JARID2: variants seen among roughly 807,000 people sequenced by gnomAD.
JARID2 encodes jumonji and AT-rich interaction domain containing 2.
In JARID2, 21 loss-of-function variants were observed where a neutral mutation model predicts 125.6. The observed-to-expected ratio is 0.17, with a 90% CI of 0.12 to 0.24. The LOEUF (loss-of-function observed/expected upper bound fraction) is 0.24, where lower values mean the gene tolerates loss of function less well. JARID2 is among the 10% of genes least tolerant of loss of function. The probability of loss-of-function intolerance (pLI) is 1.00; values close to 1 mark genes in which losing one functional copy is unlikely to be tolerated. For synonymous variants in JARID2, 736 were observed against 661.6 expected, an observed-to-expected ratio of 1.11 and a Z score of -1.73; for missense variants, 1,303 against 1,639.6, an observed-to-expected ratio of 0.79 and a Z score of 3.55.
intron 1 of JARID2, among the ~76,000 whole-genome samples, chr6:15,276,371 A>G (rs2127364722): frequency 6.6e-6 from 1 of 152,308 alleles, no homozygotes; most frequent in South Asian, 2.1e-4. Flanking sequence ...GGGTCCCTGG[A>G]GAGATAAAGT....
At chr6:15,401,530 T>C (rs1561838290) in intron 2 of JARID2, among the ~76,000 whole-genome samples, 1 of 152,210 alleles carries the variant, frequency 6.6e-6, no homozygotes, top group Non-Finnish European at 1.5e-5. Flanking sequence ...ATAAACAGCA[T>C]GTTTGCTTTC....
At chr6:15,389,445 T>A (rs763421828) in intron 2 of JARID2, among the ~76,000 whole-genome samples, 1 of 152,234 alleles carries the variant, frequency 6.6e-6, no homozygotes, top group Non-Finnish European at 1.5e-5. Flanking sequence ...CCCATGCTTT[T>A]GAATGCTTAT....
intron 3 of JARID2, among the ~76,000 whole-genome samples, chr6:15,449,840 TA>T (rs992279941): frequency 1.5e-4 from 23 of 152,064 alleles, no homozygotes; most frequent in African/African-American, 5.6e-4. Flanking sequence ...TCGATGGTCA[TA>T]GGGGAGACAA....
At chr6:15,464,308 C>G (rs532858254) in intron 4 of JARID2, among the ~76,000 whole-genome samples, 5 of 152,322 alleles carry the variant, frequency 3.3e-5, no homozygotes, top group African/African-American at 1.2e-4. Flanking sequence ...CACGTGGTGA[C>G]AGAGCAATGG....
intron 2 of JARID2, among the ~76,000 whole-genome samples, chr6:15,377,502 G>T (rs1764400709): frequency 6.6e-6 from 1 of 152,104 alleles, no homozygotes; most frequent in East Asian, 1.9e-4. Context: ...TTGTGAGCCT[G>T]TCACCCAGGC....
chr6:15,519,152 G>C (rs974103797), intron 17 of JARID2, among the ~76,000 whole-genome samples: 33 of 152,162 alleles, frequency 2.2e-4, no homozygotes, highest in African/African-American at 7.7e-4. Flanking sequence ...GTGTCCTCCT[G>C]TAACCGCACA....
chr6:15,334,348 G>A (rs866612099), intron 1 of JARID2, among the ~76,000 whole-genome samples: 18 of 152,166 alleles, frequency 1.2e-4, no homozygotes, highest in African/African-American at 3.9e-4. Flanking sequence ...AGTTACTTTG[G>A]CAGAAGTCAG....
intron 4 of JARID2, among the ~76,000 whole-genome samples, chr6:15,454,036 G>A (rs1480250031): frequency 6.6e-6 from 1 of 152,168 alleles, no homozygotes; most frequent in African/African-American, 2.4e-5. Flanking sequence ...ATTAAAATCC[G>A]TGAGTTAGCA....
intron 12 of JARID2, chr6:15,509,337 A>C: frequency 1.0e-6 from 1 of 985,426 alleles, no homozygotes; most frequent in Non-Finnish European, 1.2e-6. Context: ...GGGGTGATTA[A>C]ACATTCTTTA....
intron 2 of JARID2, among the ~76,000 whole-genome samples, chr6:15,374,659 C>T (rs1764287815): frequency 6.6e-6 from 1 of 152,196 alleles, no homozygotes; most frequent in Non-Finnish European, 1.5e-5. Flanking sequence ...CAGCGGCTTT[C>T]TCATCTCTCC....
At chr6:15,335,703 A>T (rs544384437) in intron 1 of JARID2, among the ~76,000 whole-genome samples, 1 of 151,918 alleles carries the variant, frequency 6.6e-6, no homozygotes, top group African/African-American at 2.4e-5. Flanking sequence ...AGACTCCCAG[A>T]TTTTCTGTCT....
intron 3 of JARID2, among the ~76,000 whole-genome samples, chr6:15,434,568 C>T (rs1274109406): frequency 2.0e-5 from 3 of 152,112 alleles, no homozygotes; most frequent in African/African-American, 7.2e-5. Flanking sequence ...GGAAATGAAC[C>T]CATTCATTTA....
chr6:15,275,197 T>G (rs1002782359), intron 1 of JARID2, among the ~76,000 whole-genome samples: 3 of 152,166 alleles, frequency 2.0e-5, no homozygotes, highest in Non-Finnish European at 4.4e-5. Flanking sequence ...AGAAACCCTC[T>G]TGAACATGGA....
At chr6:15,467,171 C>T (rs1217427499) in intron 4 of JARID2, among the ~76,000 whole-genome samples, 1 of 152,198 alleles carries the variant, frequency 6.6e-6, no homozygotes, top group Non-Finnish European at 1.5e-5. Context: ...CTTGGTTTGC[C>T]ATCTCAGCTC....
intron 6 of JARID2, among the ~76,000 whole-genome samples, chr6:15,494,688 G>A (rs1031370314): frequency 6.6e-6 from 1 of 152,170 alleles, no homozygotes; most frequent in African/African-American, 2.4e-5. Flanking sequence ...GATTACAGGC[G>A]CCTTTGGGAA....
intron 2 of JARID2, among the ~76,000 whole-genome samples, chr6:15,386,405 A>C (rs1233824116): frequency 6.6e-6 from 1 of 152,214 alleles, no homozygotes; most frequent in Non-Finnish European, 1.5e-5. Context: ...CATATAACCA[A>C]GTGAGCAACA....
chr6:15,355,280 A>T (rs1477773421), intron 1 of JARID2, among the ~76,000 whole-genome samples: 1 of 152,240 alleles, frequency 6.6e-6, no homozygotes, highest in Non-Finnish European at 1.5e-5. Flanking sequence ...ACATCAAAAA[A>T]TGCAAGCTGA....
At chr6:15,283,793 C>T (rs1408551453) in intron 1 of JARID2, among the ~76,000 whole-genome samples, 1 of 150,824 alleles carries the variant, frequency 6.6e-6, no homozygotes, top group Non-Finnish European at 1.5e-5. Context: ...GCAAGCTCCA[C>T]CTCCTGGGTT....
chr6:15,499,118 C>T lies in JARID2; in HGVS notation c.1946-1789C>T, dbSNP rs116055770. Among the ~76,000 whole-genome samples, 692 of 152,312 alleles carry T rather than the reference C, an allele frequency of 4.5e-3. 2 individuals are homozygous for T. Among genetic ancestry groups the T allele is most frequent in the Non-Finnish European group, 5.7e-3 (391 of 68,028 alleles). On this transcript the variant is annotated intron_variant, in intron 7 of 17. Transcript: ENST00000341776. ...GTTGCCGTCACCCAGAAGTCTAAGG[C>T]GTCTGACATTCTGTCCCAGGGGTAC...
Sources: gnomAD v4.1 joint callset for allele counts (sites outside exome capture counted in the v4.1 genomes callset) on GRCh38, gnomAD v4.1.1 for gene constraint, MANE v1.5 for transcripts, NCBI Gene and HGNC (gene_info 2026-07-23, HGNC 2026-07-21) for gene names.